KAT5: variants seen among roughly 807,000 people sequenced by gnomAD.
KAT5 encodes the protein histone acetyltransferase KAT5.
In KAT5, 31 loss-of-function variants were observed where a neutral mutation model predicts 68.1. That is an observed-to-expected ratio of 0.46 (90% CI 0.34 to 0.61). KAT5 has a LOEUF of 0.61. Among genes scored for constraint, KAT5 ranks in the 20% least tolerant of loss-of-function variants. The pLI, the probability that KAT5 is intolerant of heterozygous loss-of-function variation, is 0.01. For missense variants in KAT5, 451 were observed against 725.5 expected, an observed-to-expected ratio of 0.62 and a Z score of 4.35; for synonymous variants, 365 against 292.6, an observed-to-expected ratio of 1.25 and a Z score of -2.52.
Position 65,719,077 on chromosome 11 carries a change from A to T in KAT5, c.1537A>T (p.Ile513Phe), listed in dbSNP as rs886048493. The T allele has an allele frequency of 2.5e-6, 4 of 1,614,144 alleles. No homozygotes were observed. The highest frequency in any genetic ancestry group is 3.4e-6 in the Non-Finnish European group (4 of 1,179,988). ...GTACATCCTCACACTGTCAGAGGAC[A>T]TCGTGGATGGCCATGAGCGGGCCAT... ...GQYILTLSED[I>F]VDGHERAMLK... Residue 513 changes from isoleucine to phenylalanine, a missense_variant, in exon 13 of 13, where the codon ATC becomes TTC. Ile to Phe is a conservative substitution (Grantham distance 21). Around this residue, in one of 4 missense-constraint regions of KAT5, gnomAD observed 210 missense variants for 423.7 expected, o/e 0.50. Coordinates refer to ENST00000341318, the MANE Select transcript of KAT5 (RefSeq NM_182710.3).
chr11:65,712,545 G>A (rs1423536100), intron 1 of KAT5, 100 bp downstream of exon 1: 5 of 1,410,172 alleles, frequency 3.5e-6, no homozygotes, highest in Non-Finnish European at 4.8e-6. Flanking sequence ...TTATGGGGCG[G>A]GCGAGGCGCA....
chr11:65,717,392 A>C, intron 10 of KAT5: 3 of 271,320 alleles, frequency 1.1e-5, no homozygotes, highest in South Asian at 4.5e-5. Context: ...AGGTATCCAA[A>C]ATGCTGTCAG....
rs774055932 is a variant in KAT5, at chr11:65,713,456, C to G, written c.493C>G (p.Gln165Glu). The change falls in exon 4 of 13, where the codon CAG becomes GAG. Residue 165 changes from glutamine (Q) to glutamate (E), a missense_variant. By Grantham distance (29) the Gln-to-Glu change is conservative. Coordinates refer to ENST00000341318, the MANE Select transcript of KAT5 (RefSeq NM_182710.3). Reference sequence around the variant, plus strand: ...GGCCATTCCCGGTGGCGAGCCTGACCAGCCGCTCTCCTCCAGCTCCTGCCT... The same window carrying G: ...GGCCATTCCCGGTGGCGAGCCTGACGAGCCGCTCTCCTCCAGCTCCTGCCT... ...REAIPGGEPD[Q>E]PLSSSSCLQP... 1.9e-6 allele frequency: 3 copies of G among 1,614,060 alleles called. No individual in the cohort carries two copies.
chr11:65,714,468 C>T (rs764014388), intron 6 of KAT5, 27 bp from the exon 7 acceptor site: 2 of 1,609,682 alleles, frequency 1.2e-6, no homozygotes, highest in African/African-American at 1.3e-5. Context: ...CTCTTACAAC[C>T]TGGTATTTTC....
Position 65,713,380 on chromosome 11 carries a change from G to A in KAT5, c.417G>A (p.Leu139=). 2 of 1,613,958 alleles carry A rather than the reference G, an allele frequency of 1.2e-6. No individual in the cohort carries two copies. The highest frequency in any genetic ancestry group is 1.7e-6 in the Non-Finnish European group (2 of 1,180,006). ...CGGCGCAGGCCAGCGGGAAGACCTT[G>A]CCAATCCCGGTCCAGATCACACTCC... ...PASAQASGKT[L]PIPVQITLRF... Residue 139 remains leucine (L), a synonymous_variant, in exon 4 of 13, where the codon TTG becomes TTA. Transcript: ENST00000341318.
In KAT5 at chr11:65,712,368, T is replaced by C; in HGVS notation, c.101T>C (p.Leu34Pro). The part of the protein sequence containing the change: ...GPPVADPGVA[L>P]SPQGEIIEGC... ...CCAGTAGCCGACCCTGGCGTCGCGC[T>C]GTCTCCCCAGGGGGAGATAATCGAG... is the stretch of plus-strand genomic sequence containing the variant. Residue 34 changes from leucine to proline, a missense_variant, in exon 1 of 13, where the codon CTG becomes CCG. By Grantham distance (98) the Leu-to-Pro change is moderately conservative (BLOSUM62 -3). Transcript: ENST00000341318. 1 of 1,545,476 alleles carries C rather than the reference T, an allele frequency of 6.5e-7. No individual in the cohort carries two copies. The highest frequency in any genetic ancestry group is 8.6e-7 in the Non-Finnish European group (1 of 1,156,226).
chr11:65,718,531 A>G, intron 10 of KAT5, 59 bp from the exon 11 acceptor site: 1 of 1,558,490 alleles, frequency 6.4e-7, no homozygotes, highest in Non-Finnish European at 8.7e-7. Context: ...TGTGTTTTTA[A>G]ATGTTGCTTA....
Position 65,719,374 on chromosome 11 carries a change from AAGGTCAGCTGGCCAC to A in KAT5, c.*197_*211del. The A allele has an allele frequency of 1.5e-6, 1 of 687,984 alleles. No individual in the cohort carries two copies. Among genetic ancestry groups the A allele is most frequent in the Non-Finnish European group, 2.4e-6 (1 of 417,264 alleles). 42.6% of individuals were successfully genotyped at this position (687,984 alleles called of 1,614,324 possible). Reference sequence around the variant, plus strand: ...CGAGCTCCGGGCTCAGACCAACTCCAAGGTCAGCTGGCCACAGGCCCAGGCCTCCTCTGAAGCAGG... The same window carrying A: ...CGAGCTCCGGGCTCAGACCAACTCCAAGGCCCAGGCCTCCTCTGAAGCAGG... On this transcript the variant is annotated 3_prime_UTR_variant, in exon 13 of 13. Coordinates refer to ENST00000341318, the MANE Select transcript of KAT5 (RefSeq NM_182710.3).
upstream of KAT5, chr11:65,712,160 CA>C (rs1404793977): frequency 1.7e-6 from 2 of 1,161,606 alleles, no homozygotes; most frequent in Admixed American, 7.6e-5. Flanking sequence ...CGGTGTCTCT[CA>C]AAGGTCCCCC....
At chr11:65,712,209 C>A (rs1209761039), upstream of KAT5, 41 of 1,376,648 alleles carry the variant, frequency 3.0e-5, no homozygotes, top group Non-Finnish European at 3.6e-5. Flanking sequence ...CCACAGGGCG[C>A]TCGGTCCCGG....
intron 1 of KAT5, 151 bp from the exon 2 acceptor site, chr11:65,712,615 G>A (rs569013298): frequency 1.1e-4 from 132 of 1,220,898 alleles, no homozygotes; most frequent in Admixed American, 2.3e-4. Context: ...GCGGGGCCTG[G>A]AAAGGGGTGG....
chr11:65,719,352 G>A lies in KAT5; in HGVS notation c.*171G>A. The A allele has an allele frequency of 1.2e-6, 1 of 829,272 alleles. No homozygotes were observed. Among genetic ancestry groups the A allele is most frequent in the Non-Finnish European group, 1.8e-6 (1 of 545,510 alleles). 51.4% of individuals were successfully genotyped at this position (829,272 alleles called of 1,614,324 possible). ...CCACTGGTGCCCAGCACCAAGGCGA[G>A]CTCCGGGCTCAGACCAACTCCAAGG... On this transcript the variant is annotated 3_prime_UTR_variant, in exon 13 of 13. Transcript: ENST00000341318.
Position 65,718,834 on chromosome 11 carries a change from T to TA in KAT5, c.1425-36dup, listed in dbSNP as rs142614068. 5,731 of 1,613,744 alleles carry TA rather than the reference T, an allele frequency of 3.6e-3. 170 individuals carry two copies. The African/African-American group carries it at 0.061, about 17-fold the overall frequency. On this transcript the variant is annotated intron_variant, in intron 11 of 12. Transcript: ENST00000341318. ...CTCTCTCAGGGCTCCTGGGGACAGA[T>TA]AAAGGTCCTCAGGGAACCTGACCTG... is the stretch of plus-strand genomic sequence containing the variant.
intron 8 of KAT5, 135 bp downstream of exon 8, chr11:65,715,045 C>T: frequency 1.3e-6 from 1 of 746,190 alleles, no homozygotes; most frequent in Non-Finnish European, 2.3e-6. Flanking sequence ...CTGGCAGGTG[C>T]TGGTAGCCAG....
intron 10 of KAT5, chr11:65,718,372 A>G: frequency 3.8e-6 from 2 of 529,762 alleles, no homozygotes; most frequent in South Asian, 2.5e-5. Flanking sequence ...TGCTCCTCTC[A>G]GTGCCCTCAT....
intron 10 of KAT5, 34 bp from the exon 11 acceptor site, chr11:65,718,556 C>T (rs1565211380): frequency 6.3e-7 from 1 of 1,598,290 alleles, no homozygotes; most frequent in Non-Finnish European, 8.5e-7. Flanking sequence ...CATCTGTGAC[C>T]TCTTACTCAC....
rs1209524047 is a variant in KAT5, at chr11:65,712,375, C to T, written c.108C>T (p.Pro36=). 1.3e-6 allele frequency: 2 copies of T among 1,577,636 alleles called. No individual in the cohort carries two copies. The highest frequency in any genetic ancestry group is 1.7e-6 in the Non-Finnish European group (2 of 1,169,808). ...CCGACCCTGGCGTCGCGCTGTCTCCCCAGGGGGAGATAATCGAGGGCTGCC... is the reference window on the plus strand; with the variant it reads ...CCGACCCTGGCGTCGCGCTGTCTCCTCAGGGGGAGATAATCGAGGGCTGCC... ...PVADPGVALS[P]QGEIIEGCRL... The change falls in exon 1 of 13, where the codon CCC becomes CCT. Residue 36 remains proline (P), a synonymous_variant. Coordinates refer to ENST00000341318, the MANE Select transcript of KAT5 (RefSeq NM_182710.3).
At position 65,719,529 on chromosome 11, in the gene KAT5, G is replaced by A. The variant is rs1857326199; in HGVS notation, c.*348G>A. The A allele has an allele frequency of 1.6e-6, 1 of 615,022 alleles. No homozygotes were observed. The highest frequency in any genetic ancestry group is 1.8e-5 in the African/African-American group (1 of 54,208). The allele number at this position is 615,022 out of a possible 1,614,324, so 38.1% of individuals were successfully genotyped here. On this transcript the variant is annotated 3_prime_UTR_variant, in exon 13 of 13. Transcript: ENST00000341318. ...TTTGTAAAGTAGAAGTTGGGGGTGG[G>A]GTGGGTGCTGGCTGCAAAAATTTCT...
At chr11:65,717,112 A>G in intron 10 of KAT5, 130 bp downstream of exon 10, 1 of 713,666 alleles carries the variant, frequency 1.4e-6, no homozygotes, top group Non-Finnish European at 2.5e-6. Context: ...GCCAGAAATA[A>G]CAGTGGCACT....
Sources: allele counts gnomAD v4.1 joint callset, GRCh38; gene constraint gnomAD v4.1.1; regional missense constraint gnomAD v4.1.1; transcripts MANE v1.5; gene names NCBI Gene and HGNC (gene_info 2026-07-23, HGNC 2026-07-21).